CERS6: variants seen among roughly 807,000 people sequenced by gnomAD.
The protein encoded by CERS6 is ceramide synthase 6, also known as LAG1 homolog, ceramide synthase 6.
In CERS6, 26 loss-of-function variants were observed where a neutral mutation model predicts 56.8. The ratio of observed to expected loss-of-function variants is 0.46; its 90% CI spans 0.34 to 0.63. The LOEUF is 0.63. Ranked by LOEUF, CERS6 falls within the 30% of genes least tolerant of loss-of-function variation. The pLI is 0.01. For missense variants in CERS6, 415 were observed against 467.5 expected, an observed-to-expected ratio of 0.89 and a Z score of 1.04; for synonymous variants, 164 against 173.3, an observed-to-expected ratio of 0.95 and a Z score of 0.42.
rs546678084 is a variant in CERS6 at position 168,688,662 on chromosome 2, G to A, written c.466-2372G>A. On this transcript the variant is annotated intron_variant, in intron 4 of 9. Coordinates refer to ENST00000305747, the MANE Select transcript of CERS6 (RefSeq NM_203463.3). ...ATACCTGACGTTGTCAGAGTGAGGGGTATATGTGAACATGCATTCTGTATG... is the reference window on the plus strand; with the variant it reads ...ATACCTGACGTTGTCAGAGTGAGGGATATATGTGAACATGCATTCTGTATG... 3.3e-5 allele frequency among the ~76,000 whole-genome samples: 5 copies of A among 152,278 alleles called. No homozygotes were observed. In the South Asian group the frequency reaches 1.0e-3, roughly 32 times the overall value.
chr2:168,483,619 T>C (rs16855379), intron 1 of CERS6, among the ~76,000 whole-genome samples: 12,142 of 152,254 alleles, frequency 0.08, 578 homozygotes, highest in East Asian at 0.22. Context: ...CTTAACTAGC[T>C]GTTCTAATAT....
intron 2 of CERS6, among the ~76,000 whole-genome samples, chr2:168,548,696 C>T (rs1374077619): frequency 2.0e-5 from 3 of 152,276 alleles, no homozygotes; most frequent in Admixed American, 6.5e-5. Context: ...CTAGCTATCT[C>T]GTCTTACAAC....
intron 8 of CERS6, among the ~76,000 whole-genome samples, chr2:168,744,067 G>A (rs1232055738): frequency 6.8e-6 from 1 of 147,578 alleles, no homozygotes; most frequent in African/African-American, 2.5e-5. Context: ...GTGCAGTGGC[G>A]GGATCTGGGC....
chr2:168,526,169 C>T (rs1483556174), intron 1 of CERS6, among the ~76,000 whole-genome samples: 1 of 152,184 alleles, frequency 6.6e-6, no homozygotes, highest in Non-Finnish European at 1.5e-5. Flanking sequence ...AGAGGATATG[C>T]ATGTTTCCTT....
intron 4 of CERS6, among the ~76,000 whole-genome samples, chr2:168,660,109 T>C (rs1685590938): frequency 6.6e-6 from 1 of 152,234 alleles, no homozygotes; most frequent in African/African-American, 2.4e-5. Flanking sequence ...CATGTTTACA[T>C]GGCTGGCTGA....
At chr2:168,537,966 A>G (rs1054241179) in intron 1 of CERS6, among the ~76,000 whole-genome samples, 9 of 152,126 alleles carry the variant, frequency 5.9e-5, no homozygotes, top group African/African-American at 2.2e-4. Context: ...CTCTTGCCTC[A>G]TCCCATCCAT....
chr2:168,746,801 AT>A (rs1684114465), intron 8 of CERS6, among the ~76,000 whole-genome samples: 1 of 109,040 alleles, frequency 9.2e-6, no homozygotes, highest in African/African-American at 3.8e-5. Context: ...ATATATATAT[AT>A]ATATATATAT....
chr2:168,694,594 G>A (rs1296902733), intron 5 of CERS6, among the ~76,000 whole-genome samples: 1 of 152,106 alleles, frequency 6.6e-6, no homozygotes, highest in African/African-American at 2.4e-5. Context: ...CCCTATACTT[G>A]CAGCAGTTGT....
In CERS6 at chr2:168,463,280, C is replaced by A. The variant is rs529771188; in HGVS notation, c.170+6662C>A. 3.7e-4 allele frequency among the ~76,000 whole-genome samples: 57 copies of A among 152,184 alleles called. 2 individuals are homozygous for A. In the South Asian group the frequency reaches 0.012, roughly 31 times the overall value. On this transcript the variant is annotated intron_variant, in intron 1 of 9. Coordinates refer to ENST00000305747, the MANE Select transcript of CERS6 (RefSeq NM_203463.3). Reference sequence around the variant, plus strand: ...GTATATATATGGTTTTATATTTAGCCTTTTGCCATTTAATGATATAATCTG... The same window carrying A: ...GTATATATATGGTTTTATATTTAGCATTTTGCCATTTAATGATATAATCTG...
At chr2:168,501,387 A>G (rs748331158) in intron 1 of CERS6, among the ~76,000 whole-genome samples, 6 of 152,208 alleles carry the variant, frequency 3.9e-5, no homozygotes, top group African/African-American at 1.2e-4. Context: ...TACATAGTCA[A>G]TAGGTTGGAG....
At chr2:168,709,719 T>C (rs1687041804) in intron 6 of CERS6, among the ~76,000 whole-genome samples, 1 of 152,200 alleles carries the variant, frequency 6.6e-6, no homozygotes, top group South Asian at 2.1e-4. Flanking sequence ...ATGCTAATGT[T>C]CTTTCAGCCA....
intron 3 of CERS6, among the ~76,000 whole-genome samples, chr2:168,605,273 G>A (rs929460894): frequency 6.6e-6 from 1 of 152,206 alleles, no homozygotes; most frequent in Non-Finnish European, 1.5e-5. Context: ...GAACTTGAGA[G>A]TGATGGTTTA....
chr2:168,733,887 TA>T (rs141329736), intron 8 of CERS6, among the ~76,000 whole-genome samples: 84,289 of 151,928 alleles, frequency 0.55, 26,257 homozygotes, highest in Non-Finnish European at 0.69. Context: ...TTGAACCCAT[TA>T]GGGGGAAAAA....
chr2:168,597,503 G>A (rs1683829742), intron 3 of CERS6, among the ~76,000 whole-genome samples: 1 of 152,116 alleles, frequency 6.6e-6, no homozygotes, highest in East Asian at 1.9e-4. Context: ...CTGCCTTACA[G>A]GGTCATTCTC....
At chr2:168,580,186 TG>T (rs1477071726) in intron 3 of CERS6, among the ~76,000 whole-genome samples, 2 of 151,758 alleles carry the variant, frequency 1.3e-5, no homozygotes, top group Non-Finnish European at 2.9e-5. Context: ...CGGACACATT[TG>T]TTTTTTTTCC....
intron 4 of CERS6, among the ~76,000 whole-genome samples, chr2:168,644,640 G>C (rs34134911): frequency 0.27 from 41,628 of 151,902 alleles, 6,399 homozygotes; most frequent in South Asian, 0.43. Flanking sequence ...TGTATCACTT[G>C]GAGATTTTGT....
rs1377677236 is a variant in CERS6, at chr2:168,456,532, G to A, written c.84G>A (p.Glu28=). 1 of 1,614,110 alleles carries A rather than the reference G, an allele frequency of 6.2e-7. No individual in the cohort carries two copies. The highest frequency in any genetic ancestry group is 8.5e-7 in the Non-Finnish European group (1 of 1,179,946). The stretch of plus-strand genomic sequence containing the variant: ...CCTGGGCGGACCTGAAGAACACGGA[G>A]GAGGCCACCTTCCCGCAGGCTGAGG... ...NVTWADLKNT[E]EATFPQAEDL... Residue 28 remains glutamate, a synonymous_variant, in exon 1 of 10, where the codon GAG becomes GAA. Transcript: ENST00000305747. The surrounding 1 kb of genome is among the most constrained non-coding windows in gnomAD (Gnocchi z 4.1).
intron 1 of CERS6, among the ~76,000 whole-genome samples, chr2:168,463,866 G>A (rs1401087236): frequency 3.3e-5 from 5 of 152,090 alleles, no homozygotes; most frequent in Non-Finnish European, 5.9e-5. Context: ...CTGAGATCAC[G>A]CCACTGCACT....
chr2:168,498,389 C>T (rs891021028), intron 1 of CERS6, among the ~76,000 whole-genome samples: 5 of 152,004 alleles, frequency 3.3e-5, no homozygotes, highest in Non-Finnish European at 7.4e-5. Flanking sequence ...AAAGAGGGTA[C>T]CACAACCTGC....
Sources: allele counts gnomAD v4.1 joint callset (sites outside exome capture counted in the v4.1 genomes callset), GRCh38; gene constraint gnomAD v4.1.1; non-coding constraint Gnocchi (gnomAD v3.1); transcripts MANE v1.5; gene names NCBI Gene and HGNC (gene_info 2026-07-23, HGNC 2026-07-21).